The following STPG2 variants were observed in gnomAD, a reference collection of about 807,000 sequenced individuals.
STPG2 encodes sperm tail PG-rich repeat containing 2.
STPG2 carries 56 observed loss-of-function variants against 54.2 expected under a neutral mutation model. The ratio of observed to expected loss-of-function variants is 1.03; its 90% CI spans 0.83 to 1.29. The LOEUF is 1.29. Among genes scored for constraint, STPG2 ranks in the 50% most tolerant of loss-of-function variants. STPG2 has a pLI of 0.00. For synonymous variants in STPG2, 200 were observed against 181.8 expected (o/e 1.10, Z -0.81); for missense variants, 596 against 544.9 (o/e 1.09, Z -0.93).
At chr4:97,671,042 G>A (rs879472406) in intron 10 of STPG2, among the ~76,000 whole-genome samples, 2 of 152,180 alleles carry the variant, frequency 1.3e-5, no homozygotes, top group Non-Finnish European at 2.9e-5. Flanking sequence ...ATGTGATCGT[G>A]AGAATGTGGC....
intron 4 of STPG2, among the ~76,000 whole-genome samples, chr4:97,518,725 T>C (rs573667343): frequency 1.3e-5 from 2 of 152,206 alleles, no homozygotes; most frequent in South Asian, 4.1e-4. Flanking sequence ...TCATACCAGG[T>C]TAAATGAACA....
intron 1 of STPG2, among the ~76,000 whole-genome samples, chr4:98,138,411 T>G (rs1327464764): frequency 6.6e-6 from 1 of 152,064 alleles, no homozygotes; most frequent in African/African-American, 2.4e-5. Context: ...TGGGATATAT[T>G]GAGTTTGAGG....
intron 10 of STPG2, among the ~76,000 whole-genome samples, chr4:97,671,770 C>G (rs1722703568): frequency 6.6e-6 from 1 of 152,128 alleles, no homozygotes; most frequent in Non-Finnish European, 1.5e-5. Context: ...AAGTTCAACT[C>G]TGTAAGTGGG....
chr4:97,538,273 C>T (rs543337832), intron 4 of STPG2, among the ~76,000 whole-genome samples: 68 of 150,878 alleles, frequency 4.5e-4, no homozygotes, highest in African/African-American at 1.3e-3. Flanking sequence ...TCAAACCCAT[C>T]GCAAAGTTAA....
chr4:97,590,482 G>T (rs1733113284), intron 10 of STPG2, among the ~76,000 whole-genome samples: 1 of 151,896 alleles, frequency 6.6e-6, no homozygotes, highest in Non-Finnish European at 1.5e-5. Flanking sequence ...TTGTCCTAAG[G>T]GCAGGATTTA....
intron 9 of STPG2, among the ~76,000 whole-genome samples, chr4:97,830,336 T>C (rs1403854973): frequency 6.6e-6 from 1 of 152,140 alleles, no homozygotes; most frequent in African/African-American, 2.4e-5. Context: ...AGAGATTTTG[T>C]TACCACCAAG....
chr4:97,742,958 C>A (rs7681599), intron 9 of STPG2, among the ~76,000 whole-genome samples: 39 of 151,168 alleles, frequency 2.6e-4, no homozygotes, highest in African/African-American at 9.4e-4. Context: ...TGTTAATTGG[C>A]TTCACTGTAA....
At chr4:97,889,496 A>G (rs1328711591) in intron 8 of STPG2, among the ~76,000 whole-genome samples, 1 of 152,224 alleles carries the variant, frequency 6.6e-6, no homozygotes, top group Non-Finnish European at 1.5e-5. Context: ...CATAAAAAGT[A>G]AACCCTTCTA....
intron 9 of STPG2, among the ~76,000 whole-genome samples, chr4:97,791,171 G>A (rs1447682563): frequency 1.3e-5 from 2 of 152,042 alleles, no homozygotes; most frequent in Admixed American, 1.3e-4. Flanking sequence ...TTTGGAAAAG[G>A]TGCAATGAGA....
At chr4:97,550,429 TG>T (rs1578381319) in intron 4 of STPG2, among the ~76,000 whole-genome samples, 2 of 152,232 alleles carry the variant, frequency 1.3e-5, no homozygotes, top group African/African-American at 4.8e-5. Flanking sequence ...GTAAATTCAG[TG>T]GCATGTGTGG....
Position 97,456,906 on chromosome 4 carries a change from G to T in STPG2, c.462+255793C>A, listed in dbSNP as rs28838322. ...TGCTCCGTCTCAAAAAAAAAAAAAAGAAAATTAAAAAAAAAAAAAAGATGG... is the reference window on the plus strand; with the variant it reads ...TGCTCCGTCTCAAAAAAAAAAAAAATAAAATTAAAAAAAAAAAAAAGATGG... On this transcript the variant is annotated intron_variant, in intron 4 of 4. Transcript: ENST00000522676. 1.9e-4 allele frequency among the ~76,000 whole-genome samples: 19 copies of T among 101,632 alleles called. 1 individual carries two copies. Among genetic ancestry groups the T allele is most frequent in the African/African-American group, 1.2e-3 (19 of 16,502 alleles). 66.7% of individuals were successfully genotyped at this position (101,632 alleles called of 152,430 possible). A position where few individuals can be genotyped will look rare whatever the true frequency, so the allele number is the denominator to read the frequency against.
At chr4:97,541,159 A>C (rs567441930) in intron 4 of STPG2, among the ~76,000 whole-genome samples, 65 of 152,284 alleles carry the variant, frequency 4.3e-4, no homozygotes, top group Non-Finnish European at 4.7e-4. Flanking sequence ...GTATTCAATT[A>C]GGAAAAGAGG....
intron 4 of STPG2, among the ~76,000 whole-genome samples, chr4:97,529,156 C>T (rs1278083497): frequency 6.6e-6 from 1 of 152,114 alleles, no homozygotes; most frequent in Admixed American, 6.5e-5. Context: ...AGATACATTC[C>T]ATCAATACCT....
chr4:98,101,865 T>TCCCCCCCCCCCCCC (rs34686297), intron 5 of STPG2, among the ~76,000 whole-genome samples: 1 of 145,834 alleles, frequency 6.9e-6, no homozygotes, highest in Non-Finnish European at 1.5e-5. Flanking sequence ...TTCATTATCT[T>TCCCCCCCCCCCCCC]CCCCCTCCCC....
chr4:98,023,986 TGAG>T (rs1736328238), intron 5 of STPG2, among the ~76,000 whole-genome samples: 1 of 152,124 alleles, frequency 6.6e-6, no homozygotes, highest in Non-Finnish European at 1.5e-5. Flanking sequence ...GCTTCCCGAG[TGAG>T]GCAATGCCTC....
At chr4:97,876,506 A>C (rs1730176602) in intron 8 of STPG2, among the ~76,000 whole-genome samples, 1 of 152,036 alleles carries the variant, frequency 6.6e-6, no homozygotes, top group South Asian at 2.1e-4. Context: ...GCCATATTAG[A>C]AGGTAATTAT....
At chr4:97,799,862 C>G (rs1012853353) in intron 9 of STPG2, among the ~76,000 whole-genome samples, 2 of 152,166 alleles carry the variant, frequency 1.3e-5, no homozygotes, top group Non-Finnish European at 1.5e-5. Flanking sequence ...TCCCATATTT[C>G]TTGGAGGCTT....
intron 7 of STPG2, among the ~76,000 whole-genome samples, chr4:97,955,094 T>G (rs1282316531): frequency 1.3e-5 from 2 of 151,966 alleles, no homozygotes; most frequent in Non-Finnish European, 2.9e-5. Context: ...AATTAAGAAC[T>G]CAATAGATTG....
At chr4:98,089,055 A>T (rs549578288) in intron 5 of STPG2, among the ~76,000 whole-genome samples, 1 of 150,880 alleles carries the variant, frequency 6.6e-6, no homozygotes, top group South Asian at 2.1e-4. Flanking sequence ...TAATCCTGCC[A>T]TTTTTTTTTA....
Sources: gnomAD v4.1 joint callset for allele counts (sites outside exome capture counted in the v4.1 genomes callset) on GRCh38, gnomAD v4.1.1 for gene constraint, MANE v1.5 for transcripts, NCBI Gene and HGNC (gene_info 2026-07-23, HGNC 2026-07-21) for gene names.